TEX101: variants seen among roughly 807,000 people sequenced by gnomAD.
The protein encoded by TEX101 is testis-expressed protein 101.
TEX101 carries 10 observed loss-of-function variants against 18.1 expected under a neutral mutation model. The observed-to-expected ratio is 0.55, with a 90% CI of 0.34 to 0.94. TEX101 has a LOEUF of 0.94. TEX101 is among the 40% of genes least tolerant of loss of function. TEX101 has a pLI of 0.02. For missense variants in TEX101, 259 were observed against 298.9 expected (o/e 0.87, Z 0.98); for synonymous variants, 94 against 114.8 (o/e 0.82, Z 1.16).
chr19:43,400,856 G>A (rs1970312403), upstream of TEX101, among the ~76,000 whole-genome samples: 1 of 152,038 alleles, frequency 6.6e-6, no homozygotes, highest in African/African-American at 2.4e-5. Flanking sequence ...TCCTCCTATA[G>A]GTGAATCAGT....
In TEX101 at chr19:43,418,376, A is replaced by G. The variant is rs1599906273; in HGVS notation, c.729A>G (p.Pro243=). The G allele has an allele frequency of 2.5e-6, 4 of 1,613,668 alleles. No homozygotes were observed. The highest frequency in any genetic ancestry group is 3.4e-6 in the Non-Finnish European group (4 of 1,179,594). The change falls in exon 6 of 6, where the codon CCA becomes CCG. Residue 243 remains proline, a synonymous_variant. Transcript: ENST00000598265. Reference sequence around the variant, plus strand: ...AGCTACTGCTGCCATTGCTGCTGCCATCATTTATTCACTTTTCCTAAGAAG... The same window carrying G: ...AGCTACTGCTGCCATTGCTGCTGCCGTCATTTATTCACTTTTCCTAAGAAG... ...GLQLLLPLLL[P]SFIHFS
At chr19:43,406,933 T>TG (rs1057316399) in intron 3 of TEX101, among the ~76,000 whole-genome samples, 1 of 117,038 alleles carries the variant, frequency 8.5e-6, no homozygotes, top group Non-Finnish European at 1.7e-5. Flanking sequence ...TGTTTTTTGT[T>TG]TTTTTTTTTT....
upstream of TEX101, among the ~76,000 whole-genome samples, chr19:43,413,834 T>A (rs534803761): frequency 2.4e-4 from 36 of 152,048 alleles, 1 homozygote; most frequent in Admixed American, 1.4e-3. Flanking sequence ...GTGCCTGTAA[T>A]CCTAGCTGCT....
At chr19:43,393,461 A>T in the TEX101 span, among the ~76,000 whole-genome samples, 15,963 of 151,774 alleles carry the variant, frequency 0.11, 1,049 homozygotes, top group Middle Eastern at 0.21. Flanking sequence ...TAGATACACC[A>T]CCTCAAGGGT....
At chr19:43,417,845 C>T (rs1226021232) in intron 4 of TEX101, 33 bp from the exon 5 acceptor site, 2 of 1,612,854 alleles carry the variant, frequency 1.2e-6, no homozygotes, top group East Asian at 2.2e-5. Flanking sequence ...GAGGCAGGAC[C>T]TGCCCTTAAC....
At chr19:43,413,171 C>T (rs1426219780), upstream of TEX101, among the ~76,000 whole-genome samples, 2 of 152,204 alleles carry the variant, frequency 1.3e-5, no homozygotes, top group Admixed American at 6.5e-5. Context: ...CGATTTATCA[C>T]GACCCTTTCA....
At chr19:43,416,005 G>C (rs756098354) in intron 2 of TEX101, 22 bp downstream of exon 2, 8 of 1,613,460 alleles carry the variant, frequency 5.0e-6, no homozygotes, top group Non-Finnish European at 6.8e-6. Context: ...GGACATAGGG[G>C]AGAGCCGTGT....
the TEX101 span, among the ~76,000 whole-genome samples, chr19:43,391,252 G>A: frequency 3.9e-5 from 6 of 152,080 alleles, no homozygotes; most frequent in African/African-American, 7.2e-5. Context: ...CGTTCTTTTC[G>A]GAATATACCA....
At chr19:43,393,929 T>C in the TEX101 span, among the ~76,000 whole-genome samples, 57 of 152,120 alleles carry the variant, frequency 3.7e-4, no homozygotes, top group Middle Eastern at 6.8e-3. Flanking sequence ...AAACTTGGAT[T>C]AAAGCCCAAA....
the TEX101 span, among the ~76,000 whole-genome samples, chr19:43,389,912 C>T: frequency 3.9e-5 from 6 of 152,082 alleles, no homozygotes; most frequent in African/African-American, 1.2e-4. Context: ...GTTGTCTCCC[C>T]GGGTCTCCCT....
At chr19:43,400,872 TTTG>T (rs1970312529), upstream of TEX101, among the ~76,000 whole-genome samples, 1 of 152,174 alleles carries the variant, frequency 6.6e-6, no homozygotes, top group African/African-American at 2.4e-5. Flanking sequence ...TCAGTTTGGT[TTTG>T]TTGTTTATTC....
At chr19:43,409,981 G>A (rs547017959), upstream of TEX101, among the ~76,000 whole-genome samples, 1 of 152,190 alleles carries the variant, frequency 6.6e-6, no homozygotes, top group Non-Finnish European at 1.5e-5. Flanking sequence ...AGGCTGCAGT[G>A]AGCTGTGATT....
chr19:43,417,785 T>C, intron 4 of TEX101, 93 bp from the exon 5 acceptor site: 1 of 1,526,672 alleles, frequency 6.6e-7, no homozygotes, highest in Non-Finnish European at 9.0e-7. Flanking sequence ...TAGAGTGGCA[T>C]CTGCAGGAAA....
rs1970505285 is a variant in TEX101 at position 43,418,317 on chromosome 19, G to T, written c.670G>T (p.Ala224Ser). The change falls in exon 6 of 6, where the codon GCC becomes TCC. Residue 224 changes from alanine (A) to serine (S), a missense_variant. Coordinates refer to ENST00000598265, the MANE Select transcript of TEX101 (RefSeq NM_001130011.3). ...TCAACCTCGAAAGACTGAAAATGGG[G>T]CCACCTGTCTTCCCATTCCTGTTTG... ...LTQPRKTENG[A>S]TCLPIPVWGL... 2 of 1,614,030 alleles carry T rather than the reference G, an allele frequency of 1.2e-6. No homozygotes were observed. The highest frequency in any genetic ancestry group is 1.7e-5 in the Admixed American group (1 of 59,990).
intron 2 of TEX101, among the ~76,000 whole-genome samples, chr19:43,403,642 C>T (rs1042956869): frequency 6.7e-5 from 10 of 150,094 alleles, no homozygotes; most frequent in African/African-American, 2.5e-4. Context: ...TCAGAATAAA[C>T]TAAATGTTCT....
At chr19:43,396,419 CAAT>C in the TEX101 span, among the ~76,000 whole-genome samples, 3 of 152,202 alleles carry the variant, frequency 2.0e-5, no homozygotes, top group South Asian at 2.1e-4. Flanking sequence ...CATCTTAAAA[CAAT>C]AATGTTTATC....
chr19:43,399,611 T>C (rs746008044), upstream of TEX101, among the ~76,000 whole-genome samples: 1 of 152,168 alleles, frequency 6.6e-6, no homozygotes, highest in Non-Finnish European at 1.5e-5. Flanking sequence ...TTTTCCTTCA[T>C]ATACTAGCTT....
chr19:43,414,742 C>A, upstream of TEX101: 1 of 740,734 alleles, frequency 1.4e-6, no homozygotes. Context: ...AGCATGCGCA[C>A]CCTCCGAGAT....
At chr19:43,391,376 C>G in the TEX101 span, among the ~76,000 whole-genome samples, 10 of 150,918 alleles carry the variant, frequency 6.6e-5, no homozygotes, top group South Asian at 8.4e-4. Context: ...TCCAATTCCT[C>G]CTTGCCAACA....
Sources: allele counts gnomAD v4.1 joint callset (sites outside exome capture counted in the v4.1 genomes callset), GRCh38; gene constraint gnomAD v4.1.1; transcripts MANE v1.5; gene names NCBI Gene and HGNC (gene_info 2026-07-23, HGNC 2026-07-21).